The following SESTD1 variants were observed in gnomAD, a reference collection of about 807,000 sequenced individuals.
The protein encoded by SESTD1 is SEC14 domain and spectrin repeat-containing protein 1.
SESTD1 carries 43 observed loss-of-function variants against 101.7 expected under a neutral mutation model. The ratio of observed to expected loss-of-function variants is 0.42; its 90% CI spans 0.33 to 0.55. The LOEUF is 0.55. Among genes scored for constraint, SESTD1 ranks in the 20% least tolerant of loss-of-function variants. The pLI is 0.07. For synonymous variants in SESTD1, 283 were observed against 286.8 expected, an observed-to-expected ratio of 0.99 and a Z score of 0.13; for missense variants, 647 against 815.1, an observed-to-expected ratio of 0.79 and a Z score of 2.51.
chr2:179,142,612 C>T (rs932801291), intron 9 of SESTD1, among the ~76,000 whole-genome samples: 8 of 152,158 alleles, frequency 5.3e-5, no homozygotes, highest in South Asian at 2.1e-4. Context: ...TGGGATTCTA[C>T]GCTGCTATGA....
chr2:179,246,312 A>G (rs1442718200), intron 1 of SESTD1, among the ~76,000 whole-genome samples: 3 of 151,982 alleles, frequency 2.0e-5, no homozygotes, highest in African/African-American at 7.2e-5. Context: ...GCTATACCAG[A>G]GATAGAGATG....
At chr2:179,240,929 G>C (rs925993262) in intron 1 of SESTD1, among the ~76,000 whole-genome samples, 1 of 151,998 alleles carries the variant, frequency 6.6e-6, no homozygotes, top group Admixed American at 6.6e-5. Context: ...AAGCAGCCAT[G>C]ATGAAAATGC....
intron 10 of SESTD1, 77 bp downstream of exon 10, chr2:179,132,227 T>A (rs1159504043): frequency 2.1e-6 from 3 of 1,429,908 alleles, no homozygotes; most frequent in East Asian, 5.4e-5. Flanking sequence ...CAGCAACTTA[T>A]CACTCAGTAC....
At chr2:179,207,998 C>T (rs556396578) in intron 1 of SESTD1, among the ~76,000 whole-genome samples, 2 of 133,596 alleles carry the variant, frequency 1.5e-5, no homozygotes. Flanking sequence ...TTAACGAAAA[C>T]GTCTCCAGAG....
intron 7 of SESTD1, among the ~76,000 whole-genome samples, chr2:179,147,354 TTTG>T: frequency 6.9e-6 from 1 of 143,918 alleles, no homozygotes; most frequent in South Asian, 2.1e-4. Flanking sequence ...ACAAGATATG[TTTG>T]TTTTTTTGTT....
chr2:179,174,341 C>T (rs13013868), intron 4 of SESTD1: 335,114 of 411,686 alleles, frequency 0.81, 137,047 homozygotes, highest in South Asian at 0.92. Context: ...AATCCAAAAG[C>T]TGTTAAAATA....
intron 17 of SESTD1, among the ~76,000 whole-genome samples, chr2:179,110,649 A>C (rs1046926872): frequency 2.0e-5 from 3 of 152,182 alleles, no homozygotes; most frequent in Non-Finnish European, 4.4e-5. Context: ...ATTTGAACCT[A>C]GGTCTTTGAG....
rs2044403247 is a variant in SESTD1, at chr2:179,107,191, G to A, written c.*2708C>T. 1.3e-5 allele frequency: 2 copies of A among 152,112 alleles called. No individual in the cohort carries two copies. Among genetic ancestry groups the A allele is most frequent in the Non-Finnish European group, 2.9e-5 (2 of 68,002 alleles). The allele number at this position is 152,112 out of a possible 1,614,324, so 9.4% of individuals were successfully genotyped here. A position where few individuals can be genotyped will look rare whatever the true frequency, so the allele number is the denominator to read the frequency against. ...CACACGTTTACCTTAAGTGAGCTTTGACCCTATGGAAGAAAGTTGCTTTAG... is the reference window on the plus strand; with the variant it reads ...CACACGTTTACCTTAAGTGAGCTTTAACCCTATGGAAGAAAGTTGCTTTAG... On this transcript the variant is annotated 3_prime_UTR_variant, in exon 18 of 18. Transcript: ENST00000428443.
At position 179,121,813 on chromosome 2, in the gene SESTD1, G is replaced by A; in HGVS notation, c.1399C>T (p.His467Tyr). The change falls in exon 13 of 18, where the codon CAC (histidine) becomes TAC (tyrosine). Residue 467 changes from histidine to tyrosine, a missense_variant. By Grantham distance (83) the His-to-Tyr change is moderately conservative (BLOSUM62 2). This residue lies in a region of SESTD1 where 476 missense variants were observed against 562.6 expected (regional missense o/e 0.85). Coordinates refer to ENST00000428443, the MANE Select transcript of SESTD1 (RefSeq NM_178123.5). ...ATATCTTCCATCACTCCTTGTATGT[G>A]GTCCACATTTTCTTTATTTTCAATG... ...VTIENKENVD[H>Y]IQGVMEDMQL... 6.2e-7 allele frequency: 1 copy of A among 1,605,674 alleles called. No homozygotes were observed. The highest frequency in any genetic ancestry group is 8.5e-7 in the Non-Finnish European group (1 of 1,176,188).
intron 5 of SESTD1, among the ~76,000 whole-genome samples, chr2:179,171,767 AATAGACT>A (rs1474287699): frequency 6.6e-6 from 1 of 152,178 alleles, no homozygotes; most frequent in Admixed American, 6.6e-5. Context: ...TGTCACAAAA[AATAGACT>A]ATAATTTCAA....
intron 1 of SESTD1, among the ~76,000 whole-genome samples, chr2:179,225,747 G>C (rs898898900): frequency 6.6e-6 from 1 of 152,142 alleles, no homozygotes; most frequent in African/African-American, 2.4e-5. Flanking sequence ...AGAAAAGTGG[G>C]AGAGCAAGAG....
intron 1 of SESTD1, among the ~76,000 whole-genome samples, chr2:179,259,493 G>A (rs2047450137): frequency 6.6e-6 from 1 of 152,126 alleles, no homozygotes; most frequent in Non-Finnish European, 1.5e-5. Flanking sequence ...CTCTCAAAGT[G>A]CTGGGATTAC....
chr2:179,218,261 A>T (rs1209965192), intron 1 of SESTD1, among the ~76,000 whole-genome samples: 2 of 151,904 alleles, frequency 1.3e-5, no homozygotes, highest in African/African-American at 4.8e-5. Context: ...ACATTCACCT[A>T]ATATGAAATA....
At chr2:179,112,919 C>CA in intron 16 of SESTD1, 74 bp from the exon 17 acceptor site, 1 of 1,469,646 alleles carries the variant, frequency 6.8e-7, no homozygotes, top group Non-Finnish European at 9.0e-7. Flanking sequence ...CACCCCACCC[C>CA]ACAAAAAAAA....
chr2:179,164,553 T>G (rs1051433765), intron 5 of SESTD1, among the ~76,000 whole-genome samples: 1 of 152,192 alleles, frequency 6.6e-6, no homozygotes, highest in African/African-American at 2.4e-5. Flanking sequence ...GGTACAATGC[T>G]GCTGAAGGAT....
intron 9 of SESTD1, among the ~76,000 whole-genome samples, chr2:179,139,599 T>C (rs980544386): frequency 6.6e-6 from 1 of 152,188 alleles, no homozygotes; most frequent in African/African-American, 2.4e-5. Flanking sequence ...CTAAACATTA[T>C]GAATCGTTAA....
At chr2:179,245,587 G>A (rs187869221) in intron 1 of SESTD1, among the ~76,000 whole-genome samples, 1 of 150,658 alleles carries the variant, frequency 6.6e-6, no homozygotes, top group African/African-American at 2.5e-5. Context: ...AGCTACTTAG[G>A]GGGAGCTGAG....
At chr2:179,169,079 C>T (rs1467007210) in intron 5 of SESTD1, among the ~76,000 whole-genome samples, 1 of 152,016 alleles carries the variant, frequency 6.6e-6, no homozygotes, top group African/African-American at 2.4e-5. Flanking sequence ...CCCATAAAAT[C>T]TAGCAAGATG....
At chr2:179,133,133 C>T (rs1320117919) in intron 9 of SESTD1, among the ~76,000 whole-genome samples, 1 of 152,092 alleles carries the variant, frequency 6.6e-6, no homozygotes, top group African/African-American at 2.4e-5. Context: ...TATAGTTTGC[C>T]AGGATGACAG....
Sources: allele counts gnomAD v4.1 joint callset (sites outside exome capture counted in the v4.1 genomes callset), GRCh38; gene constraint gnomAD v4.1.1; regional missense constraint gnomAD v4.1.1; transcripts MANE v1.5; gene names NCBI Gene and HGNC (gene_info 2026-07-23, HGNC 2026-07-21).